The following SERINC1 variants were observed in gnomAD, a reference collection of about 807,000 sequenced individuals.
SERINC1 encodes the protein tumor differentially expressed protein 2.
Under a neutral mutation model 52.9 loss-of-function variants are expected in SERINC1, and 38 were observed. The observed-to-expected ratio is 0.72, with a 90% CI of 0.55 to 0.94. The LOEUF (loss-of-function observed/expected upper bound fraction) is 0.94. SERINC1 is among the 40% of genes least tolerant of loss of function. The probability of loss-of-function intolerance (pLI) is 0.00; values close to 1 mark genes in which losing one functional copy is unlikely to be tolerated. For missense variants in SERINC1, 471 were observed against 533.9 expected, an observed-to-expected ratio of 0.88 and a Z score of 1.16; for synonymous variants, 198 against 183.1, an observed-to-expected ratio of 1.08 and a Z score of -0.66.
At chr6:122,471,482 A>G (rs1775298244) in intron 1 of SERINC1, among the ~76,000 whole-genome samples, 1 of 152,186 alleles carries the variant, frequency 6.6e-6, no homozygotes, top group African/African-American at 2.4e-5. Context: ...TCCCATCGCC[A>G]CTAAACCTTA....
Position 122,444,864 on chromosome 6 carries a change from T to G in SERINC1, c.*180A>C. 1 of 602,380 alleles carries G rather than the reference T, an allele frequency of 1.7e-6. No homozygotes were observed. Among genetic ancestry groups the G allele is most frequent in the Non-Finnish European group, 2.8e-6 (1 of 354,124 alleles). 37.3% of individuals were successfully genotyped at this position (602,380 alleles called of 1,614,324 possible). On this transcript the variant is annotated 3_prime_UTR_variant, in exon 10 of 10. Coordinates refer to ENST00000339697, the MANE Select transcript of SERINC1 (RefSeq NM_020755.4). ...AACTTTCCTCTGCAATTCATTCTACTTCACATATCAATGCACTTGGTAAGA... is the reference window on the plus strand; with the variant it reads ...AACTTTCCTCTGCAATTCATTCTACGTCACATATCAATGCACTTGGTAAGA...
intron 1 of SERINC1, among the ~76,000 whole-genome samples, chr6:122,464,044 A>C (rs1775148700): frequency 6.6e-6 from 1 of 152,190 alleles, no homozygotes; most frequent in South Asian, 2.1e-4. Flanking sequence ...TGCTAAGTAA[A>C]AGAAGCCAGA....
chr6:122,448,141 T>C (rs1188208407), intron 7 of SERINC1, among the ~76,000 whole-genome samples: 3 of 151,768 alleles, frequency 2.0e-5, no homozygotes, highest in Non-Finnish European at 2.9e-5. Flanking sequence ...TGCTAAAATA[T>C]TCACTAAAGT....
intron 1 of SERINC1, among the ~76,000 whole-genome samples, chr6:122,471,489 C>T (rs1036963434): frequency 6.6e-6 from 1 of 152,184 alleles, no homozygotes; most frequent in Non-Finnish European, 1.5e-5. Flanking sequence ...GCCACTAAAC[C>T]TTACGGCCAG....
Position 122,444,980 on chromosome 6 carries a change from A to C in SERINC1, c.*64T>G, listed in dbSNP as rs146222079. 5.2e-4 allele frequency: 783 copies of C among 1,518,586 alleles called. 8 individuals are homozygous for C. The East Asian group carries it at 0.014, about 28-fold the overall frequency. The allele number at this position is 1,518,586 out of a possible 1,614,324, so 94.1% of individuals were successfully genotyped here. ...GCAAAAACATACACAACTTTACAAA[A>C]GTTGGGAATACTGTTTTCAAATAAG... On this transcript the variant is annotated 3_prime_UTR_variant, in exon 10 of 10. Coordinates refer to ENST00000339697, the MANE Select transcript of SERINC1 (RefSeq NM_020755.4).
At chr6:122,446,153 G>C (rs1301921657) in intron 9 of SERINC1, among the ~76,000 whole-genome samples, 2 of 151,788 alleles carry the variant, frequency 1.3e-5, no homozygotes, top group Non-Finnish European at 2.9e-5. Flanking sequence ...AAATCTTTCA[G>C]TAATCATTTG....
At chr6:122,446,703 A>C in intron 9 of SERINC1, 71 bp downstream of exon 9, 1 of 1,006,938 alleles carries the variant, frequency 9.9e-7, no homozygotes, top group Non-Finnish European at 1.5e-6. Context: ...ATATCACATC[A>C]TGGTTTCACA....
intron 1 of SERINC1, among the ~76,000 whole-genome samples, chr6:122,459,301 G>A (rs1299945189): frequency 2.6e-5 from 4 of 152,072 alleles, no homozygotes; most frequent in African/African-American, 7.3e-5. Flanking sequence ...GAGGAACACT[G>A]GTACAGAGTA....
At chr6:122,467,939 C>T (rs940691680) in intron 1 of SERINC1, among the ~76,000 whole-genome samples, 19 of 152,042 alleles carry the variant, frequency 1.2e-4, no homozygotes, top group African/African-American at 4.6e-4. Flanking sequence ...AACAAATAAA[C>T]AAAATCAAGA....
At chr6:122,451,776 A>AAATATATATATATAT in intron 6 of SERINC1, 22 bp from the exon 7 acceptor site, 6 of 113,070 alleles carry the variant, frequency 5.3e-5, no homozygotes, top group African/African-American at 3.7e-4. Context: ...AAAAAAAAAA[A>AAATATATATATATAT]ATATATATAT....
chr6:122,463,228 G>T (rs1775135841), intron 1 of SERINC1, among the ~76,000 whole-genome samples: 1 of 152,174 alleles, frequency 6.6e-6, no homozygotes, highest in African/African-American at 2.4e-5. Flanking sequence ...AACAGATGTT[G>T]CTGAAATAAT....
At chr6:122,460,561 A>T (rs983478467) in intron 1 of SERINC1, among the ~76,000 whole-genome samples, 9 of 152,254 alleles carry the variant, frequency 5.9e-5, no homozygotes, top group Non-Finnish European at 1.3e-4. Flanking sequence ...CGAAACCTAA[A>T]GGCAAATAAA....
At chr6:122,458,836 TTATC>T (rs1775049133) in intron 1 of SERINC1, among the ~76,000 whole-genome samples, 155 bp from the exon 2 acceptor site, 1 of 152,218 alleles carries the variant, frequency 6.6e-6, no homozygotes, top group East Asian at 1.9e-4. Flanking sequence ...TTCATATAAA[TTATC>T]TATATACCAC....
At chr6:122,448,531 T>C (rs891558240) in intron 7 of SERINC1, among the ~76,000 whole-genome samples, 3 of 152,148 alleles carry the variant, frequency 2.0e-5, no homozygotes, top group Non-Finnish European at 4.4e-5. Flanking sequence ...TCTATTCTCA[T>C]GGTATGCAAT....
Position 122,467,447 on chromosome 6 carries a change from A to C in SERINC1, c.39+4252T>G, listed in dbSNP as rs571158533. Among the ~76,000 whole-genome samples, 8 of 152,238 alleles carry C rather than the reference A, an allele frequency of 5.3e-5. No individual in the cohort carries two copies. The South Asian group carries it at 1.7e-3, about 32-fold the overall frequency. On this transcript the variant is annotated intron_variant, in intron 1 of 9. Coordinates refer to ENST00000339697, the MANE Select transcript of SERINC1 (RefSeq NM_020755.4). The stretch of plus-strand genomic sequence containing the variant: ...ATGACAAAACACCATCTCTACTAAA[A>C]ATATAAAAATTAGCTGGGTGTGGTG...
rs146105077 is a variant in SERINC1, at chr6:122,471,782, A to G, written c.-45T>C. 3.7e-6 allele frequency: 6 copies of G among 1,612,934 alleles called. No homozygotes were observed. Among genetic ancestry groups the G allele is most frequent in the Non-Finnish European group, 5.1e-6 (6 of 1,179,616 alleles). Reference sequence around the variant, plus strand: ...CAGCGGATACAGACAAGATGGAGACAGCTTCTTTCTCGCCTTTCCGAGATT... The same window carrying G: ...CAGCGGATACAGACAAGATGGAGACGGCTTCTTTCTCGCCTTTCCGAGATT... On this transcript the variant is annotated 5_prime_UTR_variant, in exon 1 of 10. Coordinates refer to ENST00000339697, the MANE Select transcript of SERINC1 (RefSeq NM_020755.4).
At chr6:122,451,776 A>AAAAAAAAAATATACATAT in intron 6 of SERINC1, 22 bp from the exon 7 acceptor site, 1 of 95,480 alleles carries the variant, frequency 1.0e-5, no homozygotes, top group African/African-American at 7.7e-5. Flanking sequence ...AAAAAAAAAA[A>AAAAAAAAAATATACATAT]ATATATATAT....
chr6:122,462,779 T>C (rs1775126394), intron 1 of SERINC1, among the ~76,000 whole-genome samples: 1 of 152,122 alleles, frequency 6.6e-6, no homozygotes, highest in Admixed American at 6.6e-5. Context: ...TAACAAAACA[T>C]AGACAAGATC....
At position 122,453,915 on chromosome 6, in the gene SERINC1, G is replaced by A; in HGVS notation, c.452-8C>T. 1 of 1,578,982 alleles carries A rather than the reference G, an allele frequency of 6.3e-7. No homozygotes were observed. The highest frequency in any genetic ancestry group is 8.6e-7 in the Non-Finnish European group (1 of 1,160,064). On this transcript the variant is annotated splice_region_variant and splice_polypyrimidine_tract_variant and intron_variant, in intron 4 of 9. Coordinates refer to ENST00000339697, the MANE Select transcript of SERINC1 (RefSeq NM_020755.4). ...TGCCTACATAAAACCACACTGAAAG[G>A]GAAAGAAAGCATACATAAGTGATTG...
Sources: gnomAD v4.1 joint callset for allele counts (sites outside exome capture counted in the v4.1 genomes callset) on GRCh38, gnomAD v4.1.1 for gene constraint, MANE v1.5 for transcripts, NCBI Gene and HGNC (gene_info 2026-07-23, HGNC 2026-07-21) for gene names.